AZU1: variants seen among roughly 807,000 people sequenced by gnomAD.
AZU1 encodes azurocidin 1, also known as azurocidin.
AZU1 carries 21 observed loss-of-function variants against 17.8 expected under a neutral mutation model. The observed-to-expected ratio is 1.18, with a 90% CI of 0.84 to 1.70. The LOEUF (loss-of-function observed/expected upper bound fraction) is 1.70. Ranked by LOEUF, AZU1 falls within the 40% of genes most tolerant of loss-of-function variation. The pLI is 0.00. For synonymous variants in AZU1, 178 were observed against 155.2 expected, an observed-to-expected ratio of 1.15 and a Z score of -1.09; for missense variants, 379 against 362.9, an observed-to-expected ratio of 1.04 and a Z score of -0.36.
chr19:828,060 G>A (rs112066474), intron 1 of AZU1, among the ~76,000 whole-genome samples, 156 bp downstream of exon 1: 22 of 152,386 alleles, frequency 1.4e-4, no homozygotes, highest in Non-Finnish European at 2.8e-4. Context: ...GAGGGCGGAC[G>A]GTGTGCGGGA....
At position 831,841 on chromosome 19, in the gene AZU1, T is replaced by C; in HGVS notation, c.720T>C (p.Asp240=). ...TRVALFRDWI[D]GVLNNPGPGP... ...TGGCGCTCTTCCGAGACTGGATCGA[T>C]GGTGTTCTCAACAACCCGGGACCGG... The change falls in exon 5 of 5, where the codon GAT becomes GAC. Residue 240 remains aspartate, a synonymous_variant. Transcript: ENST00000233997. 6.2e-7 allele frequency: 1 copy of C among 1,612,688 alleles called. No homozygotes were observed. Among genetic ancestry groups the C allele is most frequent in the Non-Finnish European group, 8.5e-7 (1 of 1,179,790 alleles).
chr19:828,691 G>A (rs1321574591), intron 2 of AZU1, among the ~76,000 whole-genome samples: 3 of 142,816 alleles, frequency 2.1e-5, no homozygotes, highest in Non-Finnish European at 4.6e-5. Flanking sequence ...TCAGATGGGG[G>A]AGGCCCAGAG....
rs772354159 is a variant in AZU1, at chr19:830,758, T to G, written c.411T>G (p.Pro137=). 2.5e-6 allele frequency: 4 copies of G among 1,602,360 alleles called. No homozygotes were observed. The South Asian group carries it at 4.4e-5, about 18-fold the overall frequency. Residue 137 remains proline, a synonymous_variant, in exon 4 of 5, where the codon CCT becomes CCG. Transcript: ENST00000233997. ...GCAGCGTGACGATACTGCCACTGCC[T>G]CTGCAGAACGCCACGGTGGAAGCCG... ...LTSSVTILPL[P]LQNATVEAGT...
In AZU1 at chr19:829,566, C is replaced by T; in HGVS notation, c.220C>T (p.Pro74Ser). 1 of 1,612,864 alleles carries T rather than the reference C, an allele frequency of 6.2e-7. No homozygotes were observed. Among genetic ancestry groups the T allele is most frequent in the Non-Finnish European group, 8.5e-7 (1 of 1,179,878 alleles). ...TAASCFQSQN[P>S]GVSTVVLGAY... ...CCTTTCCTCCGCTACTCTCAGGAACCCCGGGGTTAGCACCGTGGTGCTGGG... is the reference window on the plus strand; with the variant it reads ...CCTTTCCTCCGCTACTCTCAGGAACTCCGGGGTTAGCACCGTGGTGCTGGG... The change falls in exon 3 of 5, where the codon CCC (proline) becomes TCC (serine). Residue 74 changes from proline to serine, a missense_variant. Physicochemically the swap from Pro to Ser is moderately conservative, Grantham distance 74. Coordinates refer to ENST00000233997, the MANE Select transcript of AZU1 (RefSeq NM_001700.5).
intron 1 of AZU1, 91 bp from the exon 2 acceptor site, chr19:828,139 G>A: frequency 6.9e-7 from 1 of 1,450,556 alleles, no homozygotes. Context: ...CAGCCCCACT[G>A]GGTGGATAGA....
chr19:829,575 A>G lies in AZU1; in HGVS notation c.229A>G (p.Ser77Gly). 6.2e-7 allele frequency: 1 copy of G among 1,613,060 alleles called. No homozygotes were observed. The highest frequency in any genetic ancestry group is 8.5e-7 in the Non-Finnish European group (1 of 1,179,912). The change falls in exon 3 of 5, where the codon AGC becomes GGC. Residue 77 changes from serine (S) to glycine (G), a missense_variant. Ser to Gly is a moderately conservative substitution (Grantham distance 56). Transcript: ENST00000233997. ...SCFQSQNPGV[S>G]TVVLGAYDLR... The stretch of plus-strand genomic sequence containing the variant: ...CGCTACTCTCAGGAACCCCGGGGTT[A>G]GCACCGTGGTGCTGGGTGCCTATGA...
At position 831,713 on chromosome 19, in the gene AZU1, C is replaced by T. The variant is rs745431732; in HGVS notation, c.595-3C>T. On this transcript the variant is annotated splice_polypyrimidine_tract_variant and splice_region_variant and intron_variant, in intron 4 of 4. Coordinates refer to ENST00000233997, the MANE Select transcript of AZU1 (RefSeq NM_001700.5). Reference sequence around the variant, plus strand: ...CGCCCTGACACAGCTGCTGCCTGCCCAGGGGGACGGGGGCACCCCCCTCGT... The same window carrying T: ...CGCCCTGACACAGCTGCTGCCTGCCTAGGGGGACGGGGGCACCCCCCTCGT... 1.9e-6 allele frequency: 3 copies of T among 1,599,294 alleles called. 1 individual carries two copies. The highest frequency in any genetic ancestry group is 2.2e-5 in the South Asian group (2 of 89,134).
rs772652509 is a variant in AZU1, at chr19:830,824, T to TG, written c.483dup (p.Arg162AlafsTer66). 20 of 1,607,658 alleles carry TG rather than the reference T, an allele frequency of 1.2e-5. No homozygotes were observed. Among genetic ancestry groups the TG allele is most frequent in the Non-Finnish European group, 8.5e-7 (1 of 1,179,918 alleles). On this transcript the variant is annotated frameshift_variant, in exon 4 of 5. Transcript: ENST00000233997. LOFTEE classifies it high-confidence loss of function. ...TGGCCGGCTGGGGGAGCCAGCGCAG[T>TG]GGGGGGCGTCTCTCCCGTTTTCCCA...
intron 4 of AZU1, chr19:831,371 C>T (rs2035285716): frequency 5.7e-6 from 2 of 349,024 alleles, no homozygotes; most frequent in Admixed American, 4.4e-5. Context: ...AGCCACCGTG[C>T]CTGGCTGAGA....
intron 2 of AZU1, 89 bp downstream of exon 2, chr19:828,475 A>G: frequency 1.0e-6 from 1 of 973,578 alleles, no homozygotes; most frequent in Non-Finnish European, 1.3e-6. Flanking sequence ...GGTGCTTGGT[A>G]GGTGAGGAGG....
At chr19:829,788 A>T in intron 3 of AZU1, 82 bp downstream of exon 3, 3 of 1,504,766 alleles carry the variant, frequency 2.0e-6, no homozygotes, top group East Asian at 4.8e-5. Context: ...CTTGGTCTCT[A>T]CAAAAAAATA....
Position 831,710 on chromosome 19 carries a change from G to T in AZU1, c.595-6G>T. The T allele has an allele frequency of 6.3e-7, 1 of 1,596,286 alleles. No individual in the cohort carries two copies. Among genetic ancestry groups the T allele is most frequent in the Non-Finnish European group, 8.5e-7 (1 of 1,172,268 alleles). Reference sequence around the variant, plus strand: ...GGACGCCCTGACACAGCTGCTGCCTGCCCAGGGGGACGGGGGCACCCCCCT... The same window carrying T: ...GGACGCCCTGACACAGCTGCTGCCTTCCCAGGGGGACGGGGGCACCCCCCT... On this transcript the variant is annotated splice_polypyrimidine_tract_variant and splice_region_variant and intron_variant, in intron 4 of 4. Coordinates refer to ENST00000233997, the MANE Select transcript of AZU1 (RefSeq NM_001700.5).
At chr19:828,447 G>A in intron 2 of AZU1, 61 bp downstream of exon 2, 3 of 1,441,650 alleles carry the variant, frequency 2.1e-6, no homozygotes, top group Non-Finnish European at 2.8e-6. Flanking sequence ...GGCTTGGGGG[G>A]CTTAGGCATT....
chr19:828,217 C>T lies in AZU1; in HGVS notation c.59-13C>T, dbSNP rs1458195868. ...ATTCTTGGGGATCTCAGAGCTGTCT[C>T]CCCCCGACCCAGGCTCCAGCCCCCT... is the stretch of plus-strand genomic sequence containing the variant. On this transcript the variant is annotated splice_polypyrimidine_tract_variant and intron_variant, in intron 1 of 4. Transcript: ENST00000233997. 4 of 1,587,388 alleles carry T rather than the reference C, an allele frequency of 2.5e-6. No homozygotes were observed. Among genetic ancestry groups the T allele is most frequent in the African/African-American group, 1.4e-5 (1 of 73,880 alleles).
intron 3 of AZU1, among the ~76,000 whole-genome samples, chr19:829,936 A>ATATGTGTGTG (rs368933425): frequency 2.3e-4 from 32 of 137,766 alleles, no homozygotes; most frequent in African/African-American, 8.1e-4. Flanking sequence ...AAAAATATAT[A>ATATGTGTGTG]TGTGTGTGTG....
chr19:827,993 A>G, intron 1 of AZU1, 89 bp downstream of exon 1: 1 of 1,506,814 alleles, frequency 6.6e-7, no homozygotes, highest in Non-Finnish European at 8.9e-7. Context: ...AGAGAAGGCA[A>G]GCGGCTTGGC....
intron 3 of AZU1, 103 bp from the exon 4 acceptor site, chr19:830,605 C>G (rs969742162): frequency 1.9e-6 from 2 of 1,046,036 alleles, no homozygotes; most frequent in Admixed American, 5.7e-5. Flanking sequence ...ACGCAAACCA[C>G]TTACAGACTA....
At position 831,864 on chromosome 19, in the gene AZU1, C is replaced by G. The variant is rs761783503; in HGVS notation, c.743C>G (p.Pro248Arg). 1.9e-6 allele frequency: 3 copies of G among 1,611,868 alleles called. No individual in the cohort carries two copies. Among genetic ancestry groups the G allele is most frequent in the African/African-American group, 2.7e-5 (2 of 74,904 alleles). The change falls in exon 5 of 5, where the codon CCG (proline) becomes CGG (arginine). Residue 248 changes from proline to arginine, a missense_variant. Transcript: ENST00000233997. ...WIDGVLNNPG[P>R]GPA The stretch of plus-strand genomic sequence containing the variant: ...GATGGTGTTCTCAACAACCCGGGAC[C>G]GGGGCCAGCCTAGGGGGGCCTGTGA...
At chr19:829,505 C>G (rs989364999) in intron 2 of AZU1, 57 bp from the exon 3 acceptor site, 2 of 1,590,342 alleles carry the variant, frequency 1.3e-6, no homozygotes, top group African/African-American at 1.3e-5. Flanking sequence ...CCGGCTTGCT[C>G]TGTGCCCAGG....
Sources: allele counts gnomAD v4.1 joint callset (sites outside exome capture counted in the v4.1 genomes callset), GRCh38; gene constraint gnomAD v4.1.1; transcripts MANE v1.5; gene names NCBI Gene and HGNC (gene_info 2026-07-23, HGNC 2026-07-21).